The following ARHGAP21 variants were observed in gnomAD, a reference collection of about 807,000 sequenced individuals.
ARHGAP21 encodes the protein rho GTPase-activating protein 21.
ARHGAP21 carries 38 observed loss-of-function variants against 164.6 expected under a neutral mutation model. That is an observed-to-expected ratio of 0.23 (90% CI 0.18 to 0.30). The LOEUF is 0.30. Among genes scored for constraint, ARHGAP21 ranks in the 10% least tolerant of loss-of-function variants. ARHGAP21 has a pLI of 1.00. For missense variants in ARHGAP21, 1,822 were observed against 2,370.7 expected, an observed-to-expected ratio of 0.77 and a Z score of 4.81; for synonymous variants, 766 against 857.9, an observed-to-expected ratio of 0.89 and a Z score of 1.87.
At chr10:24,652,945 A>G (rs1838344933) in intron 4 of ARHGAP21, among the ~76,000 whole-genome samples, 1 of 152,268 alleles carries the variant, frequency 6.6e-6, no homozygotes, top group African/African-American at 2.4e-5. Context: ...AAATGTGTAC[A>G]AAAGTACACA....
intron 4 of ARHGAP21, among the ~76,000 whole-genome samples, chr10:24,663,254 C>T (rs1171661577): frequency 6.6e-5 from 10 of 152,240 alleles, no homozygotes; most frequent in African/African-American, 1.7e-4. Context: ...TAATCAACAA[C>T]GCACAATGCC....
intron 9 of ARHGAP21, among the ~76,000 whole-genome samples, chr10:24,615,618 C>A (rs1407224224): frequency 4.6e-5 from 7 of 152,196 alleles, no homozygotes; most frequent in Non-Finnish European, 1.0e-4. Flanking sequence ...TCTGTCAGTT[C>A]TCTGAGAGAG....
chr10:24,691,827 C>T (rs1267689617), intron 2 of ARHGAP21, among the ~76,000 whole-genome samples: 1 of 152,112 alleles, frequency 6.6e-6, no homozygotes, highest in Non-Finnish European at 1.5e-5. Flanking sequence ...AATGAGAAAC[C>T]TCTAAAACCT....
At chr10:24,614,048 T>A (rs988982319) in intron 9 of ARHGAP21, among the ~76,000 whole-genome samples, 2 of 152,190 alleles carry the variant, frequency 1.3e-5, no homozygotes, top group African/African-American at 4.8e-5. Context: ...TTCAACAAAT[T>A]CAACATTTAC....
At chr10:24,603,045 G>A (rs2053163126) in intron 12 of ARHGAP21, among the ~76,000 whole-genome samples, 1 of 152,164 alleles carries the variant, frequency 6.6e-6, no homozygotes, top group South Asian at 2.1e-4. Flanking sequence ...CCAAGTGACG[G>A]CAGCTGACAC....
At chr10:24,605,042 T>A (rs752808323) in intron 11 of ARHGAP21, among the ~76,000 whole-genome samples, 2 of 152,190 alleles carry the variant, frequency 1.3e-5, no homozygotes, top group African/African-American at 2.4e-5. Context: ...GTGTCACTGT[T>A]TTCTCCTCTC....
intron 25 of ARHGAP21, among the ~76,000 whole-genome samples, chr10:24,587,802 A>ATGATCATAT (rs1382650401): frequency 6.6e-6 from 1 of 152,154 alleles, no homozygotes; most frequent in Non-Finnish European, 1.5e-5. Flanking sequence ...TTACAATTCT[A>ATGATCATAT]TGATCATATA....
Position 24,616,950 on chromosome 10 carries a change from T to C in ARHGAP21, c.2422+2523A>G, listed in dbSNP as rs369567037. Among the ~76,000 whole-genome samples the C allele has an allele frequency of 8.3e-4, 127 of 152,298 alleles. 2 individuals carry two copies. The highest frequency in any genetic ancestry group is 2.8e-3 in the African/African-American group (118 of 41,568). Reference sequence around the variant, plus strand: ...AAAACAAAATGTATTCATTTTGTTTTGTATGCCTGTATGCCTCCTGCAACC... The same window carrying C: ...AAAACAAAATGTATTCATTTTGTTTCGTATGCCTGTATGCCTCCTGCAACC... On this transcript the variant is annotated intron_variant, in intron 9 of 25. Transcript: ENST00000396432.
chr10:24,605,347 G>C (rs779437628), intron 11 of ARHGAP21, among the ~76,000 whole-genome samples: 19 of 152,222 alleles, frequency 1.2e-4, no homozygotes, highest in Admixed American at 2.6e-4. Context: ...TGGAGTATCA[G>C]AGGAGAATGA....
chr10:24,597,807 A>AT, intron 15 of ARHGAP21, 138 bp downstream of exon 15: 1 of 1,100,026 alleles, frequency 9.1e-7, no homozygotes. Flanking sequence ...ATGGGAAAAA[A>AT]TATAGCGTAG....
At chr10:24,641,110 T>C (rs1271588453) in intron 4 of ARHGAP21, among the ~76,000 whole-genome samples, 1 of 152,216 alleles carries the variant, frequency 6.6e-6, no homozygotes, top group Admixed American at 6.5e-5. Context: ...GTATTTCTTA[T>C]TGTTGACAAC....
chr10:24,689,922 ATGTATGTATATGTATATATGTATATG>A (rs1565169202), intron 2 of ARHGAP21, among the ~76,000 whole-genome samples: 2,488 of 134,254 alleles, frequency 0.019, 74 homozygotes, highest in African/African-American at 0.058. Context: ...ATATATGTAT[ATGTATGTATATGTATATATGTATATG>A]TGTGTGTGTG....
At chr10:24,635,412 T>C (rs1273528473) in intron 4 of ARHGAP21, among the ~76,000 whole-genome samples, 1 of 152,216 alleles carries the variant, frequency 6.6e-6, no homozygotes, top group East Asian at 1.9e-4. Flanking sequence ...TAAGTACTAC[T>C]ACTACCATTC....
chr10:24,591,576 T>C, intron 23 of ARHGAP21, 66 bp downstream of exon 23: 1 of 1,573,914 alleles, frequency 6.4e-7, no homozygotes, highest in Non-Finnish European at 8.7e-7. Flanking sequence ...TTGACATTGT[T>C]GGCGCGCCAG....
intron 24 of ARHGAP21, chr10:24,590,405 A>T: frequency 6.5e-7 from 1 of 1,535,410 alleles, no homozygotes; most frequent in South Asian, 1.2e-5. Flanking sequence ...TTCTTCCTAC[A>T]GTTCCAGCTG....
At chr10:24,720,997 A>G (rs568809770) in intron 2 of ARHGAP21, among the ~76,000 whole-genome samples, 10 of 152,118 alleles carry the variant, frequency 6.6e-5, no homozygotes, top group East Asian at 5.8e-4. Context: ...ACACGAGGAA[A>G]AAAAAAAAAG....
intron 2 of ARHGAP21, among the ~76,000 whole-genome samples, chr10:24,693,587 A>T (rs1842918720): frequency 6.6e-6 from 1 of 152,082 alleles, no homozygotes. Context: ...TCCTGACCTC[A>T]GGTGATCCGC....
intron 3 of ARHGAP21, among the ~76,000 whole-genome samples, chr10:24,667,589 A>T (rs1425146763): frequency 1.3e-5 from 2 of 152,232 alleles, no homozygotes; most frequent in East Asian, 3.8e-4. Context: ...TAGCTGGAAA[A>T]TTAGAAAAGA....
At chr10:24,645,237 C>T (rs1837442279) in intron 4 of ARHGAP21, among the ~76,000 whole-genome samples, 1 of 152,072 alleles carries the variant, frequency 6.6e-6, no homozygotes, top group South Asian at 2.1e-4. Flanking sequence ...TGTTAACAAC[C>T]CAATGGACAC....
Sources: gnomAD v4.1 joint callset for allele counts (sites outside exome capture counted in the v4.1 genomes callset) on GRCh38, gnomAD v4.1.1 for gene constraint, MANE v1.5 for transcripts, NCBI Gene and HGNC (gene_info 2026-07-23, HGNC 2026-07-21) for gene names.